Variants in C1QTNF3 observed in about 807,000 individuals in gnomAD.
C1QTNF3 encodes C1q and TNF related 3, also known as complement C1q tumor necrosis factor-related protein 3.
A neutral mutation model predicts 32.6 loss-of-function variants in C1QTNF3; 26 were observed. The ratio of observed to expected loss-of-function variants is 0.80; its 90% CI spans 0.58 to 1.11. C1QTNF3 has a LOEUF of 1.11. C1QTNF3 is among the 50% of genes least tolerant of loss of function. C1QTNF3 has a pLI of 0.00. For synonymous variants in C1QTNF3, 155 were observed against 146.0 expected, an observed-to-expected ratio of 1.06 and a Z score of -0.44; for missense variants, 362 against 398.2, an observed-to-expected ratio of 0.91 and a Z score of 0.77.
the C1QTNF3 span, among the ~76,000 whole-genome samples, chr5:34,076,545 A>G: frequency 2.9e-4 from 44 of 151,656 alleles, 1 homozygote; most frequent in African/African-American, 1.0e-3. Flanking sequence ...TTGGCTCTCC[A>G]ATAAAATTTG....
the C1QTNF3 span, among the ~76,000 whole-genome samples, chr5:34,196,066 T>C: frequency 6.6e-6 from 1 of 152,286 alleles, no homozygotes; most frequent in African/African-American, 2.4e-5. Flanking sequence ...CAGGCCCTCT[T>C]TAAGAAACAC....
the C1QTNF3 span, among the ~76,000 whole-genome samples, chr5:34,177,371 G>A: frequency 2.0e-5 from 3 of 151,958 alleles, no homozygotes; most frequent in East Asian, 5.8e-4. Context: ...GGAGTACAGT[G>A]GTGCAATTAT....
At chr5:34,240,793 C>A in the C1QTNF3 span, among the ~76,000 whole-genome samples, 1 of 152,058 alleles carries the variant, frequency 6.6e-6, no homozygotes, top group East Asian at 1.9e-4. Context: ...AGCTTAATAC[C>A]AAAACCTGGC....
At position 34,020,422 on chromosome 5, in the gene C1QTNF3, A is replaced by C. The variant is rs1754295655; in HGVS notation, c.*161T>G. ...GTGGTTGATTCTTCTGAGCCCCTGA[A>C]TTGTCCAACATTATTGGTGTACCTG... On this transcript the variant is annotated 3_prime_UTR_variant, in exon 6 of 6. Transcript: ENST00000382065. The C allele has an allele frequency of 1.2e-6, 1 of 815,808 alleles. No individual in the cohort carries two copies. The highest frequency in any genetic ancestry group is 1.9e-6 in the Non-Finnish European group (1 of 514,502). 50.5% of individuals were successfully genotyped at this position (815,808 alleles called of 1,614,324 possible).
the C1QTNF3 span, among the ~76,000 whole-genome samples, chr5:34,126,551 G>C: frequency 7.0e-6 from 1 of 142,488 alleles, no homozygotes; most frequent in Middle Eastern, 3.6e-3. Context: ...TCCTTAAGAA[G>C]CTAAAAATTA....
chr5:34,124,680 G>A, the C1QTNF3 span: 3 of 440,702 alleles, frequency 6.8e-6, no homozygotes, highest in Non-Finnish European at 8.2e-6. Context: ...CATGAGATTT[G>A]GGTGAGGTCA....
the C1QTNF3 span, among the ~76,000 whole-genome samples, chr5:34,081,044 C>T: frequency 6.6e-6 from 1 of 151,818 alleles, no homozygotes; most frequent in East Asian, 1.9e-4. Flanking sequence ...CTCAACCTGC[C>T]TCTTTCCTTT....
At chr5:34,063,451 T>C in the C1QTNF3 span, among the ~76,000 whole-genome samples, 1 of 152,064 alleles carries the variant, frequency 6.6e-6, no homozygotes, top group East Asian at 1.9e-4. Context: ...CCAGTTCTAG[T>C]TGTTAAAGTA....
the C1QTNF3 span, among the ~76,000 whole-genome samples, chr5:34,227,778 G>A: frequency 2.4e-4 from 36 of 151,776 alleles, no homozygotes; most frequent in Admixed American, 4.6e-4. Flanking sequence ...AATAGCTGGG[G>A]GAAAATTTTG....
At chr5:34,234,723 T>C in the C1QTNF3 span, among the ~76,000 whole-genome samples, 5 of 152,142 alleles carry the variant, frequency 3.3e-5, no homozygotes, top group Non-Finnish European at 5.9e-5. Context: ...CCTGTGGAAA[T>C]AACTTTAAGG....
At chr5:34,138,854 G>A in the C1QTNF3 span, among the ~76,000 whole-genome samples, 1 of 152,028 alleles carries the variant, frequency 6.6e-6, no homozygotes, top group Admixed American at 6.6e-5. Flanking sequence ...ATTGTTTTAA[G>A]CATCACAACA....
chr5:34,058,333 G>T, the C1QTNF3 span, among the ~76,000 whole-genome samples: 1 of 152,066 alleles, frequency 6.6e-6, no homozygotes, highest in Non-Finnish European at 1.5e-5. Context: ...GCTGATTTAG[G>T]GTGAAGAGTG....
intron 3 of C1QTNF3, among the ~76,000 whole-genome samples, chr5:34,031,416 G>A (rs938717215): frequency 6.6e-6 from 1 of 152,340 alleles, no homozygotes; most frequent in African/African-American, 2.4e-5. Flanking sequence ...ATGGGTTAGA[G>A]TGTCTAGCTT....
At chr5:34,166,035 G>A in the C1QTNF3 span, 169 of 148,370 alleles carry the variant, frequency 1.1e-3, 1 homozygote, top group Admixed American at 0.011. Context: ...ACTCTGAAAA[G>A]CTGTCTACAT....
the C1QTNF3 span, among the ~76,000 whole-genome samples, chr5:34,064,524 A>T: frequency 6.6e-6 from 1 of 152,208 alleles, no homozygotes; most frequent in Non-Finnish European, 1.5e-5. Flanking sequence ...CAGCTCAATT[A>T]GGATGACCCT....
chr5:34,072,847 T>C, the C1QTNF3 span, among the ~76,000 whole-genome samples: 1 of 152,238 alleles, frequency 6.6e-6, no homozygotes. Context: ...AAGCAAGTTA[T>C]GAATATTCAT....
the C1QTNF3 span, among the ~76,000 whole-genome samples, chr5:34,146,097 A>G: frequency 1.3e-5 from 2 of 152,174 alleles, no homozygotes; most frequent in African/African-American, 2.4e-5. Context: ...GAACTGCAAG[A>G]CAAAGGTGCC....
At chr5:34,162,899 CT>C in the C1QTNF3 span, among the ~76,000 whole-genome samples, 19 of 152,060 alleles carry the variant, frequency 1.2e-4, no homozygotes, top group Non-Finnish European at 2.9e-5. Context: ...CTTGCCTACC[CT>C]TTTCTTTGCA....
chr5:34,116,949 A>G, the C1QTNF3 span, among the ~76,000 whole-genome samples: 1 of 152,154 alleles, frequency 6.6e-6, no homozygotes, highest in Non-Finnish European at 1.5e-5. Flanking sequence ...CTTTTTGCAC[A>G]GTATATCCTT....
Sources: gnomAD v4.1 joint callset for allele counts (sites outside exome capture counted in the v4.1 genomes callset) on GRCh38, gnomAD v4.1.1 for gene constraint, MANE v1.5 for transcripts, NCBI Gene and HGNC (gene_info 2026-07-23, HGNC 2026-07-21) for gene names.